Variants in AGO1 observed in about 807,000 individuals in gnomAD.
AGO1 encodes protein argonaute-1.
Under a neutral mutation model 109.2 loss-of-function variants are expected in AGO1, and 11 were observed. The ratio of observed to expected loss-of-function variants is 0.10; its 90% CI spans 0.06 to 0.17. The LOEUF (loss-of-function observed/expected upper bound fraction) is 0.17, where lower values mean the gene tolerates loss of function less well. Ranked by LOEUF, AGO1 falls within the 10% of genes least tolerant of loss-of-function variation. AGO1 has a pLI of 1.00. For missense variants in AGO1, 574 were observed against 1,140.3 expected (o/e 0.50, Z 7.15); for synonymous variants, 422 against 418.6 (o/e 1.01, Z -0.10).
intron 1 of AGO1, among the ~76,000 whole-genome samples, chr1:35,877,509 T>C (rs1051882075): frequency 2.6e-5 from 4 of 152,236 alleles, no homozygotes; most frequent in African/African-American, 9.6e-5. Flanking sequence ...CTCCTCTTAG[T>C]TCCCATGTCG....
intron 8 of AGO1, among the ~76,000 whole-genome samples, chr1:35,896,924 G>A (rs1384982317): frequency 6.6e-6 from 1 of 152,192 alleles, no homozygotes. Flanking sequence ...AGATTTGTTA[G>A]CAAATTAACA....
Position 35,902,350 on chromosome 1 carries a change from C to G in AGO1, c.1397+13C>G. The G allele has an allele frequency of 6.2e-7, 1 of 1,612,132 alleles. No homozygotes were observed. The highest frequency in any genetic ancestry group is 1.1e-5 in the South Asian group (1 of 90,622). ...AAGAGGTGCTCAAGTAAGGAGGGTT[C>G]GCTGTAGGGGTGGAAGGGTGGGAAG... On this transcript the variant is annotated intron_variant, in intron 11 of 18. Coordinates refer to ENST00000373204, the MANE Select transcript of AGO1 (RefSeq NM_012199.5).
At chr1:35,912,127 G>A (rs183294960) in intron 12 of AGO1, among the ~76,000 whole-genome samples, 260 of 152,228 alleles carry the variant, frequency 1.7e-3, no homozygotes, top group African/African-American at 6.0e-3. Context: ...GGAGGCCGAG[G>A]CAGGCGGATC....
intron 1 of AGO1, among the ~76,000 whole-genome samples, chr1:35,873,011 C>T (rs1186623326): frequency 6.6e-6 from 1 of 151,752 alleles, no homozygotes; most frequent in African/African-American, 2.4e-5. Context: ...CCTCAGCTTC[C>T]CAAGTAGCTA....
chr1:35,896,143 G>A (rs986548205), intron 8 of AGO1, among the ~76,000 whole-genome samples: 3 of 152,106 alleles, frequency 2.0e-5, no homozygotes, highest in Non-Finnish European at 2.9e-5. Flanking sequence ...GGAATTACAG[G>A]CATGCGCCAC....
chr1:35,873,057 G>GT (rs11389607), intron 1 of AGO1, among the ~76,000 whole-genome samples: 26,511 of 142,906 alleles, frequency 0.19, 4,050 homozygotes, highest in East Asian at 0.76. Context: ...CTGGTTACTT[G>GT]TTTTTTTTTT....
intron 2 of AGO1, among the ~76,000 whole-genome samples, chr1:35,891,044 G>C (rs987390830): frequency 1.3e-5 from 2 of 152,150 alleles, no homozygotes; most frequent in African/African-American, 4.8e-5. Context: ...TATTAGAGCT[G>C]CTTCCTGGTA....
intron 11 of AGO1, among the ~76,000 whole-genome samples, chr1:35,905,564 T>G (rs1052511886): frequency 6.6e-6 from 1 of 152,108 alleles, no homozygotes; most frequent in African/African-American, 2.4e-5. Context: ...GCCTCCTGTT[T>G]CATGTGATTC....
chr1:35,876,048 G>A (rs1644989676), intron 1 of AGO1, among the ~76,000 whole-genome samples: 1 of 152,098 alleles, frequency 6.6e-6, no homozygotes, highest in African/African-American at 2.4e-5. Flanking sequence ...CATGGGAGGA[G>A]GTCCAAATAT....
At chr1:35,916,202 A>G (rs558194831) in intron 15 of AGO1, among the ~76,000 whole-genome samples, 2 of 152,182 alleles carry the variant, frequency 1.3e-5, no homozygotes, top group African/African-American at 4.8e-5. Context: ...ATGCTTTACA[A>G]TAGTCCTTTG....
intron 1 of AGO1, among the ~76,000 whole-genome samples, chr1:35,872,996 TC>T (rs1644964941): frequency 1.3e-5 from 2 of 151,870 alleles, no homozygotes; most frequent in South Asian, 2.1e-4. Context: ...CTGGTGATCC[TC>T]CCACCTCAGC....
chr1:35,918,226 T>C, intron 16 of AGO1, 96 bp from the exon 17 acceptor site: 3 of 991,226 alleles, frequency 3.0e-6, no homozygotes, highest in Non-Finnish European at 3.2e-6. Context: ...TTGGCTTTGT[T>C]CTTGGGATTT....
upstream of AGO1, among the ~76,000 whole-genome samples, chr1:35,878,244 T>G (rs1209159543): frequency 1.3e-5 from 2 of 151,744 alleles, no homozygotes; most frequent in African/African-American, 4.8e-5. Context: ...CCACCATGCC[T>G]GGCTAATTTT....
chr1:35,901,373 C>A lies in AGO1; in HGVS notation c.1021-101C>A. ...GCACAACGGATTTTGCAGTTCCCTT[C>A]CCCATGGCTGACAGCCAAGGTATCT... On this transcript the variant is annotated intron_variant, in intron 8 of 18. Transcript: ENST00000373204. The surrounding 1 kb of genome is among the most constrained non-coding windows in gnomAD (Gnocchi z 4.8). 1.3e-6 allele frequency: 2 copies of A among 1,499,934 alleles called. No homozygotes were observed. The highest frequency in any genetic ancestry group is 1.2e-5 in the South Asian group (1 of 83,092). 92.9% of individuals were successfully genotyped at this position (1,499,934 alleles called of 1,614,324 possible).
In AGO1 at chr1:35,901,983, C is replaced by A; in HGVS notation, c.1176C>A (p.Ile392=). The change falls in exon 10 of 19, where the codon ATC becomes ATA. Residue 392 remains isoleucine, a synonymous_variant. Transcript: ENST00000373204. The surrounding 1 kb of genome is among the most constrained non-coding windows in gnomAD (Gnocchi z 4.8). ...CCAGCTACAACTTAGATCCCTACATCCAGGAATTTGGGATCAAAGTGAAGG... is the reference window on the plus strand; with the variant it reads ...CCAGCTACAACTTAGATCCCTACATACAGGAATTTGGGATCAAAGTGAAGG... ...KNASYNLDPY[I]QEFGIKVKDD... is the part of the protein sequence containing the mutation. 1 of 1,609,326 alleles carries A rather than the reference C, an allele frequency of 6.2e-7. No homozygotes were observed. The highest frequency in any genetic ancestry group is 8.5e-7 in the Non-Finnish European group (1 of 1,177,732).
In AGO1 at chr1:35,927,686, T is replaced by TTCAG; in HGVS notation, c.*8083_*8086dup. 1 of 152,190 alleles carries TTCAG rather than the reference T, an allele frequency of 6.6e-6. No homozygotes were observed. Among genetic ancestry groups the TTCAG allele is most frequent in the Non-Finnish European group, 1.5e-5 (1 of 68,002 alleles). The allele number at this position is 152,190 out of a possible 1,614,324, so 9.4% of individuals were successfully genotyped here. A position where few individuals can be genotyped will look rare whatever the true frequency, so the allele number is the denominator to read the frequency against. ...CCTTTGAGTCGTGTAGACTAGAAAG[T>TTCAG]TCAGTCATGTCTACTAGCAAGAAAG... On this transcript the variant is annotated 3_prime_UTR_variant, in exon 19 of 19. Transcript: ENST00000373204.
intron 14 of AGO1, 50 bp downstream of exon 14, chr1:35,914,324 G>A (rs371937887): frequency 2.6e-5 from 39 of 1,508,992 alleles, no homozygotes; most frequent in Non-Finnish European, 3.6e-5. Flanking sequence ...TTCGCTCTGA[G>A]TCCTCAAAAC....
intron 16 of AGO1, 98 bp from the exon 17 acceptor site, chr1:35,918,224 G>T: frequency 1.0e-6 from 1 of 979,750 alleles, no homozygotes; most frequent in Admixed American, 1.8e-5. Flanking sequence ...CTTTGGCTTT[G>T]TTCTTGGGAT....
At chr1:35,882,989 C>T (rs1027076672), upstream of AGO1, 5 of 928,378 alleles carry the variant, frequency 5.4e-6, no homozygotes, top group African/African-American at 7.1e-5. The surrounding 1 kb of genome is among the most constrained non-coding windows in gnomAD (Gnocchi z 5.1). Context: ...GCTGCTGTGG[C>T]GGGATGTCCC....
Sources: gnomAD v4.1 joint callset for allele counts (sites outside exome capture counted in the v4.1 genomes callset) on GRCh38, gnomAD v4.1.1 for gene constraint, Gnocchi (gnomAD v3.1) non-coding constraint, MANE v1.5 for transcripts, NCBI Gene and HGNC (gene_info 2026-07-23, HGNC 2026-07-21) for gene names.